ARHGAP8: variants seen among roughly 807,000 people sequenced by gnomAD.
The protein encoded by ARHGAP8 is Rho GTPase activating protein 8.
ARHGAP8 carries 62 observed loss-of-function variants against 46.1 expected under a neutral mutation model. That is an observed-to-expected ratio of 1.34 (90% CI 1.10 to 1.66). The LOEUF (loss-of-function observed/expected upper bound fraction) is 1.66. Among genes scored for constraint, ARHGAP8 ranks in the 40% most tolerant of loss-of-function variants. The pLI, the probability that ARHGAP8 is intolerant of heterozygous loss-of-function variation, is 0.00. For synonymous variants in ARHGAP8, 375 were observed against 243.1 expected, an observed-to-expected ratio of 1.54 and a Z score of -5.05; for missense variants, 923 against 568.4, an observed-to-expected ratio of 1.62 and a Z score of -6.34.
At chr22:44,799,202 A>G (rs1439545144) in intron 2 of ARHGAP8, among the ~76,000 whole-genome samples, 1 of 152,212 alleles carries the variant, frequency 6.6e-6, no homozygotes, top group Non-Finnish European at 1.5e-5. Context: ...TGCATTGAGC[A>G]GAGCCCTTTG....
chr22:44,819,860 G>A (rs1459022587), intron 5 of ARHGAP8, among the ~76,000 whole-genome samples: 4 of 152,188 alleles, frequency 2.6e-5, no homozygotes, highest in African/African-American at 9.6e-5. Flanking sequence ...GAGGGGGCGT[G>A]GGCTGGGATC....
Position 44,825,594 on chromosome 22 carries a change from G to A in ARHGAP8, c.596+1G>A, listed in dbSNP as rs1428908723. On this transcript the variant is annotated splice_donor_variant, in intron 7 of 11. Transcript: ENST00000356099. LOFTEE classifies it high-confidence loss of function. ...AGCAGTTTGGCGTCAGTCTGCAATA[G>A]TAAGTGAGCCGGGGATGTGCCTGCT... is the stretch of plus-strand genomic sequence containing the variant. 2 of 1,611,780 alleles carry A rather than the reference G, an allele frequency of 1.2e-6. No homozygotes were observed. Among genetic ancestry groups the A allele is most frequent in the East Asian group, 4.5e-5 (2 of 44,778 alleles).
At chr22:44,841,531 C>T (rs17612951) in intron 7 of ARHGAP8, among the ~76,000 whole-genome samples, 5,088 of 152,242 alleles carry the variant, frequency 0.033, 133 homozygotes, top group Non-Finnish European at 0.05. Context: ...GCCTCCTCTG[C>T]GGTACCGGAC....
intron 5 of ARHGAP8, among the ~76,000 whole-genome samples, chr22:44,817,922 C>G (rs1007179156): frequency 1.3e-5 from 2 of 152,090 alleles, no homozygotes; most frequent in East Asian, 1.9e-4. Flanking sequence ...TAAGACCAGC[C>G]TGGGTAACAT....
intron 7 of ARHGAP8, among the ~76,000 whole-genome samples, chr22:44,826,895 GT>G (rs1930560869): frequency 1.3e-5 from 2 of 152,186 alleles, no homozygotes; most frequent in South Asian, 4.1e-4. Context: ...GGACCTGCCT[GT>G]TTCTTTCTTG....
intron 8 of ARHGAP8, among the ~76,000 whole-genome samples, chr22:44,847,141 C>G (rs1369562262): frequency 6.6e-6 from 1 of 152,170 alleles, no homozygotes; most frequent in Non-Finnish European, 1.5e-5. Flanking sequence ...TTCCGGGGCA[C>G]CCCCATCATG....
At chr22:44,859,029 A>G (rs1423000502) in intron 10 of ARHGAP8, among the ~76,000 whole-genome samples, 1 of 151,774 alleles carries the variant, frequency 6.6e-6, no homozygotes, top group Non-Finnish European at 1.5e-5. Flanking sequence ...ATTGGCAAAA[A>G]CAGGCAGTGG....
chr22:44,801,077 A>AG (rs1928485657), intron 2 of ARHGAP8, among the ~76,000 whole-genome samples: 1 of 27,058 alleles, frequency 3.7e-5, no homozygotes, highest in Non-Finnish European at 6.0e-5. Context: ...TCCATGTGTG[A>AG]GGGGCACCTC....
intron 2 of ARHGAP8, among the ~76,000 whole-genome samples, chr22:44,797,987 T>C (rs1396713093): frequency 7.0e-6 from 1 of 142,624 alleles, no homozygotes; most frequent in Non-Finnish European, 1.5e-5. Context: ...AGATTTTTTT[T>C]TTTTTTTTTG....
At chr22:44,838,729 CAATG>C (rs1931454483) in intron 7 of ARHGAP8, among the ~76,000 whole-genome samples, 1 of 152,210 alleles carries the variant, frequency 6.6e-6, no homozygotes, top group Non-Finnish European at 1.5e-5. Context: ...GCTTTGGAAT[CAATG>C]GATGCAGGCT....
At chr22:44,777,451 G>A (rs1926507861) in intron 1 of ARHGAP8, among the ~76,000 whole-genome samples, 1 of 152,010 alleles carries the variant, frequency 6.6e-6, no homozygotes, top group East Asian at 1.9e-4. Flanking sequence ...TAGCCAGGTA[G>A]GTTCATGTCA....
chr22:44,831,659 A>G (rs760009750), intron 7 of ARHGAP8, among the ~76,000 whole-genome samples: 2 of 152,200 alleles, frequency 1.3e-5, no homozygotes, highest in African/African-American at 2.4e-5. Context: ...AGATCATGCC[A>G]TTACACTCCA....
At chr22:44,761,449 T>G (rs1415358229) in intron 1 of ARHGAP8, among the ~76,000 whole-genome samples, 1 of 152,236 alleles carries the variant, frequency 6.6e-6, no homozygotes, top group Admixed American at 6.5e-5. Context: ...GGCATTTACA[T>G]TGTGTTAAGT....
intron 7 of ARHGAP8, among the ~76,000 whole-genome samples, chr22:44,830,448 AGCCTCC>A (rs1280170297): frequency 1.3e-5 from 2 of 152,048 alleles, no homozygotes; most frequent in African/African-American, 4.8e-5. Context: ...CTCCTGCCTC[AGCCTCC>A]TGAGTAGCTG....
At chr22:44,753,167 G>T (rs1029615020) in intron 1 of ARHGAP8, among the ~76,000 whole-genome samples, 2 of 152,190 alleles carry the variant, frequency 1.3e-5, no homozygotes, top group African/African-American at 2.4e-5. Flanking sequence ...CTCAGGGGGT[G>T]GGGGGCTGGC....
chr22:44,848,163 A>G, intron 9 of ARHGAP8, 113 bp downstream of exon 9: 9 of 1,435,892 alleles, frequency 6.3e-6, no homozygotes, highest in Non-Finnish European at 7.5e-6. Flanking sequence ...CCCAACTCCC[A>G]GAAAACACTC....
intron 4 of ARHGAP8, among the ~76,000 whole-genome samples, chr22:44,810,083 A>G (rs948679049): frequency 2.6e-5 from 4 of 152,078 alleles, no homozygotes; most frequent in Non-Finnish European, 5.9e-5. Flanking sequence ...GAGAATCAAT[A>G]GCCCCTTCCC....
chr22:44,811,439 G>A (rs16991944), intron 4 of ARHGAP8, among the ~76,000 whole-genome samples: 16,025 of 152,204 alleles, frequency 0.11, 1,149 homozygotes, highest in African/African-American at 0.19. Flanking sequence ...TCCAATCGGC[G>A]GTCATTTAAC....
At chr22:44,755,385 A>G (rs972846150) in intron 1 of ARHGAP8, among the ~76,000 whole-genome samples, 4 of 152,246 alleles carry the variant, frequency 2.6e-5, no homozygotes, top group African/African-American at 9.6e-5. Flanking sequence ...TGAAATTAGC[A>G]TGGGGAGAGA....
Sources: gnomAD v4.1 joint callset for allele counts (sites outside exome capture counted in the v4.1 genomes callset) on GRCh38, gnomAD v4.1.1 for gene constraint, MANE v1.5 for transcripts, NCBI Gene and HGNC (gene_info 2026-07-23, HGNC 2026-07-21) for gene names.